IGF1R: variants seen among roughly 807,000 people sequenced by gnomAD.
The protein encoded by IGF1R is insulin-like growth factor 1 receptor.
In IGF1R, 44 loss-of-function variants were observed where a neutral mutation model predicts 144.6. The observed-to-expected ratio is 0.30, with a 90% CI of 0.24 to 0.39. The LOEUF (loss-of-function observed/expected upper bound fraction) is 0.39, where lower values mean the gene tolerates loss of function less well. Ranked by LOEUF, IGF1R falls within the 10% of genes least tolerant of loss-of-function variation. The probability of loss-of-function intolerance (pLI) is 1.00; values close to 1 mark genes in which losing one functional copy is unlikely to be tolerated. For synonymous variants in IGF1R, 795 were observed against 722.8 expected (o/e 1.10, Z -1.60); for missense variants, 1,355 against 1,833.7 (o/e 0.74, Z 4.77).
chr15:98,795,983 C>G (rs2056232852), intron 2 of IGF1R, among the ~76,000 whole-genome samples: 1 of 152,206 alleles, frequency 6.6e-6, no homozygotes, highest in Non-Finnish European at 1.5e-5. Context: ...AACAATACAG[C>G]CATCCATGGC....
chr15:98,913,413 G>C (rs991775116), intron 8 of IGF1R, 131 bp downstream of exon 8: 3 of 799,970 alleles, frequency 3.8e-6, no homozygotes, highest in Non-Finnish European at 6.7e-6. Flanking sequence ...AGGTAATACT[G>C]TGTCATATTC....
At chr15:98,728,528 G>A (rs926429452) in intron 2 of IGF1R, among the ~76,000 whole-genome samples, 2 of 152,242 alleles carry the variant, frequency 1.3e-5, no homozygotes, top group Non-Finnish European at 2.9e-5. Context: ...TATTTGAATA[G>A]GTCTCATGAC....
intron 2 of IGF1R, among the ~76,000 whole-genome samples, chr15:98,863,526 T>C (rs892414552): frequency 1.3e-5 from 2 of 152,388 alleles, no homozygotes; most frequent in African/African-American, 2.4e-5. Context: ...AATTGGATTC[T>C]ACTCTCAGGA....
At chr15:98,676,642 C>T (rs1440339536) in intron 1 of IGF1R, among the ~76,000 whole-genome samples, 1 of 151,518 alleles carries the variant, frequency 6.6e-6, no homozygotes. Flanking sequence ...TGCAATTCTT[C>T]TCCGCTACTC....
At chr15:98,869,315 C>CAAAA (rs60270987) in intron 2 of IGF1R, among the ~76,000 whole-genome samples, 3,087 of 149,864 alleles carry the variant, frequency 0.021, 121 homozygotes, top group African/African-American at 0.072. Context: ...ACAACAACAA[C>CAAAA]AAAAAAAAAC....
At chr15:98,672,569 C>CA (rs60559912) in intron 1 of IGF1R, among the ~76,000 whole-genome samples, 1,181 of 61,076 alleles carry the variant, frequency 0.019, 12 homozygotes, top group Middle Eastern at 0.042. Context: ...GACTCCATCT[C>CA]AAAAAAAAAA....
Position 98,960,292 on chromosome 15 carries a change from C to CT in IGF1R, c.*2857dup, listed in dbSNP as rs397836919. 2.2e-5 allele frequency: 5 copies of CT among 231,170 alleles called. No homozygotes were observed. Among genetic ancestry groups the CT allele is most frequent in the East Asian group, 1.8e-4 (3 of 16,282 alleles). The allele number at this position is 231,170 out of a possible 1,614,324, so 14.3% of individuals were successfully genotyped here. A position where few individuals can be genotyped will look rare whatever the true frequency, so the allele number is the denominator to read the frequency against. On this transcript the variant is annotated 3_prime_UTR_variant, in exon 21 of 21. Coordinates refer to ENST00000650285, the MANE Select transcript of IGF1R (RefSeq NM_000875.5). ...TTCTGAGATGTCCTGTTTTGTGTTG[C>CT]TTTTTTTGTTTTGTTTTCTATCTTG...
At chr15:98,927,783 AAAGAGTAACC>A (rs1168777197) in intron 13 of IGF1R, among the ~76,000 whole-genome samples, 1 of 152,252 alleles carries the variant, frequency 6.6e-6, no homozygotes, top group African/African-American at 2.4e-5. Context: ...AGTAGTCTTT[AAAGAGTAACC>A]ATGATCACAG....
intron 2 of IGF1R, among the ~76,000 whole-genome samples, chr15:98,792,556 G>A (rs1018277): frequency 1 from 151,759 of 152,326 alleles, 75,598 homozygotes; most frequent in East Asian, 1. Flanking sequence ...TATGGTAGGT[G>A]GTTGTTACCC....
intron 2 of IGF1R, among the ~76,000 whole-genome samples, chr15:98,771,343 C>T (rs1358772125): frequency 6.6e-6 from 1 of 152,132 alleles, no homozygotes; most frequent in East Asian, 1.9e-4. Flanking sequence ...CATTGTCTTC[C>T]TCTCTCCCTT....
intron 20 of IGF1R, 38 bp from the exon 21 acceptor site, chr15:98,957,022 CT>C: frequency 6.2e-7 from 1 of 1,613,284 alleles, no homozygotes; most frequent in Non-Finnish European, 8.5e-7. Context: ...CATGTGCGCC[CT>C]CCCGGTTTGG....
At chr15:98,729,216 T>A (rs1051277278) in intron 2 of IGF1R, among the ~76,000 whole-genome samples, 2 of 152,256 alleles carry the variant, frequency 1.3e-5, no homozygotes, top group Non-Finnish European at 2.9e-5. Flanking sequence ...TGTTCTGAGA[T>A]AAATTAAGTG....
At chr15:98,806,830 C>T (rs28642198) in intron 2 of IGF1R, among the ~76,000 whole-genome samples, 3,714 of 152,190 alleles carry the variant, frequency 0.024, 156 homozygotes, top group African/African-American at 0.084. Context: ...TAGGGCACAG[C>T]TGACCCTAAG....
At chr15:98,708,708 C>G (rs1228981124) in intron 2 of IGF1R, among the ~76,000 whole-genome samples, 1 of 152,132 alleles carries the variant, frequency 6.6e-6, no homozygotes, top group Non-Finnish European at 1.5e-5. Flanking sequence ...GACCTCTGGA[C>G]CCATTTCTGC....
At position 98,648,618 on chromosome 15, in the gene IGF1R, A is replaced by G. The variant is rs2052248616; in HGVS notation, c.-964A>G. On this transcript the variant is annotated 5_prime_UTR_variant, in exon 1 of 21. Coordinates refer to ENST00000650285, the MANE Select transcript of IGF1R (RefSeq NM_000875.5). ...CATTAACTCCGCTGAGCGGAAAAAA[A>G]AAGGGAAAAAACCCGAGGAGGAGCG... 6.9e-5 allele frequency among the ~76,000 whole-genome samples: 10 copies of G among 144,842 alleles called. No individual in the cohort carries two copies. In the South Asian group the frequency reaches 2.1e-3, roughly 31 times the overall value.
chr15:98,709,505 T>C (rs1250647503), intron 2 of IGF1R, among the ~76,000 whole-genome samples: 1 of 152,244 alleles, frequency 6.6e-6, no homozygotes, highest in Non-Finnish European at 1.5e-5. Flanking sequence ...CTAAAGTCAC[T>C]TGTGTGGTTG....
chr15:98,688,351 C>CCA (rs10660048), intron 1 of IGF1R, among the ~76,000 whole-genome samples: 127,724 of 139,418 alleles, frequency 0.92, 58,869 homozygotes, highest in Middle Eastern at 0.98. Flanking sequence ...TCACTTCCCC[C>CCA]CACACTCTCT....
chr15:98,827,133 G>GCC (rs139362369), intron 2 of IGF1R, among the ~76,000 whole-genome samples: 8 of 152,016 alleles, frequency 5.3e-5, no homozygotes, highest in South Asian at 2.1e-4. Flanking sequence ...TCCTTCCCCT[G>GCC]CCCCCCAACT....
At chr15:98,918,632 G>A (rs560100491) in intron 10 of IGF1R, among the ~76,000 whole-genome samples, 4 of 152,214 alleles carry the variant, frequency 2.6e-5, no homozygotes, top group Non-Finnish European at 2.9e-5. Flanking sequence ...TGTAATCCCA[G>A]CACTTTGGGA....
Sources: gnomAD v4.1 joint callset for allele counts (sites outside exome capture counted in the v4.1 genomes callset) on GRCh38, gnomAD v4.1.1 for gene constraint, MANE v1.5 for transcripts, NCBI Gene and HGNC (gene_info 2026-07-23, HGNC 2026-07-21) for gene names.